Variants in NBEA observed in about 807,000 individuals in gnomAD.
The protein encoded by NBEA is neurobeachin, also known as lysosomal-trafficking regulator 2.
A neutral mutation model predicts 343.4 loss-of-function variants in NBEA; 44 were observed. That is an observed-to-expected ratio of 0.13 (90% confidence interval 0.10 to 0.16). NBEA has a LOEUF of 0.16. Among genes scored for constraint, NBEA ranks in the 10% least tolerant of loss-of-function variants. NBEA has a pLI of 1.00. For synonymous variants in NBEA, 1,175 were observed against 1,238.7 expected (o/e 0.95, Z 1.08); for missense variants, 2,555 against 3,631.3 (o/e 0.70, Z 7.62).
intron 36 of NBEA, among the ~76,000 whole-genome samples, chr13:35,346,194 C>T (rs1465034471): frequency 6.6e-6 from 1 of 152,050 alleles, no homozygotes; most frequent in Non-Finnish European, 1.5e-5. Context: ...ATGTATTAGC[C>T]AGCCAGACCA....
At chr13:34,980,401 T>C (rs1398487582) in intron 1 of NBEA, among the ~76,000 whole-genome samples, 1 of 151,890 alleles carries the variant, frequency 6.6e-6, no homozygotes, top group African/African-American at 2.4e-5. Flanking sequence ...TTCTGGTTTC[T>C]AGTTTAGAAG....
rs1401137700 is a variant in NBEA at position 35,298,241 on chromosome 13, ATATATATG to A, written c.5838+7797_5838+7804del. 1.3e-3 allele frequency among the ~76,000 whole-genome samples: 150 copies of A among 112,198 alleles called. 1 individual carries two copies. The highest frequency in any genetic ancestry group is 4.7e-3 in the Middle Eastern group (1 of 214). The allele number at this position is 112,198 out of a possible 152,430, so 73.6% of individuals were successfully genotyped here. A position where few individuals can be genotyped will look rare whatever the true frequency, so the allele number is the denominator to read the frequency against. ...TATATATATATATATATATATATAT[ATATATATG>A]TATATGCTTCTTTTTTTAATTTTAA... is the stretch of plus-strand genomic sequence containing the variant. On this transcript the variant is annotated intron_variant, in intron 35 of 58. Coordinates refer to ENST00000379939, the MANE Select transcript of NBEA (RefSeq NM_001385012.1).
chr13:35,458,869 T>C (rs998375907), intron 40 of NBEA, among the ~76,000 whole-genome samples: 3 of 152,200 alleles, frequency 2.0e-5, no homozygotes, highest in African/African-American at 7.2e-5. Context: ...TCCAATGGAT[T>C]GTAATGCTAC....
intron 38 of NBEA, among the ~76,000 whole-genome samples, chr13:35,406,772 C>A (rs1331138828): frequency 2.6e-5 from 4 of 152,076 alleles, no homozygotes; most frequent in Non-Finnish European, 4.4e-5. Flanking sequence ...TCTGTCTGAA[C>A]ACTCAATTGT....
chr13:35,044,527 A>G (rs1397270186), intron 2 of NBEA, among the ~76,000 whole-genome samples: 1 of 151,676 alleles, frequency 6.6e-6, no homozygotes, highest in East Asian at 1.9e-4. Flanking sequence ...TTTGACAATA[A>G]CCAGTTTGCA....
chr13:35,025,129 G>C (rs2061974625), intron 1 of NBEA, among the ~76,000 whole-genome samples: 1 of 152,130 alleles, frequency 6.6e-6, no homozygotes, highest in African/African-American at 2.4e-5. Context: ...TAGGTTGTCT[G>C]CTTATTTTGT....
chr13:35,600,904 C>T (rs533686835), intron 47 of NBEA, among the ~76,000 whole-genome samples: 6 of 152,248 alleles, frequency 3.9e-5, no homozygotes, highest in African/African-American at 1.4e-4. Flanking sequence ...GAGCCGCGTA[C>T]GGTGGTTCAT....
chr13:35,585,160 G>A (rs965497129), intron 46 of NBEA, among the ~76,000 whole-genome samples: 12 of 33,396 alleles, frequency 3.6e-4, no homozygotes, highest in African/African-American at 1.3e-3. Flanking sequence ...GCCAGCCTCC[G>A]CCCACTCTGA....
intron 41 of NBEA, among the ~76,000 whole-genome samples, chr13:35,500,544 G>A (rs987103483): frequency 4.6e-5 from 7 of 151,926 alleles, no homozygotes; most frequent in African/African-American, 1.7e-4. Context: ...AGCTGGGGCT[G>A]ATAAAGAAGA....
chr13:35,540,392 A>G (rs2078766659), intron 41 of NBEA, among the ~76,000 whole-genome samples: 1 of 152,164 alleles, frequency 6.6e-6, no homozygotes, highest in African/African-American at 2.4e-5. Flanking sequence ...TCAGTAGTAT[A>G]GAGTTCTGGT....
At chr13:35,368,715 A>G (rs965961028) in intron 38 of NBEA, among the ~76,000 whole-genome samples, 6 of 151,686 alleles carry the variant, frequency 4.0e-5, no homozygotes, top group African/African-American at 1.4e-4. Context: ...TTTAATACAC[A>G]GTACCTGCCA....
intron 36 of NBEA, among the ~76,000 whole-genome samples, chr13:35,342,791 A>T (rs1284423124): frequency 6.6e-6 from 1 of 151,972 alleles, no homozygotes; most frequent in Non-Finnish European, 1.5e-5. Context: ...ATCAGTAGGG[A>T]GTAAAAAAGA....
At chr13:35,503,544 G>T (rs2076968149) in intron 41 of NBEA, among the ~76,000 whole-genome samples, 1 of 151,624 alleles carries the variant, frequency 6.6e-6, no homozygotes, top group African/African-American at 2.4e-5. Context: ...AACATTTTTT[G>T]ATATTTTCTC....
intron 18 of NBEA, among the ~76,000 whole-genome samples, chr13:35,145,636 C>G (rs1013118588): frequency 6.6e-6 from 1 of 152,182 alleles, no homozygotes; most frequent in Non-Finnish European, 1.5e-5. Flanking sequence ...CCAGGAAATA[C>G]TATTTTCAGG....
At chr13:35,484,264 GTGTGTGTGTGTA>G (rs1251205372) in intron 41 of NBEA, among the ~76,000 whole-genome samples, 11 of 136,046 alleles carry the variant, frequency 8.1e-5, no homozygotes, top group East Asian at 4.4e-4. Flanking sequence ...GTGTGTGTGT[GTGTGTGTGTGTA>G]TATATATATA....
At position 35,161,730 on chromosome 13, in the gene NBEA, T is replaced by C; in HGVS notation, c.3862-20T>C. ...GCATTTCTTTTGTATTCCACAAAAG[T>C]TCATCTTTTCCTTCTTTAGGCTGTG... On this transcript the variant is annotated intron_variant, in intron 22 of 58. Coordinates refer to ENST00000379939, the MANE Select transcript of NBEA (RefSeq NM_001385012.1). 6.3e-7 allele frequency: 1 copy of C among 1,582,560 alleles called. No individual in the cohort carries two copies.
At chr13:35,543,306 G>T (rs1020192818) in intron 41 of NBEA, among the ~76,000 whole-genome samples, 2 of 152,124 alleles carry the variant, frequency 1.3e-5, no homozygotes, top group African/African-American at 4.8e-5. Flanking sequence ...TTTTATAGAG[G>T]TGTTGAAAAA....
intron 41 of NBEA, among the ~76,000 whole-genome samples, chr13:35,491,089 CA>C (rs1376857675): frequency 1.3e-5 from 2 of 151,870 alleles, no homozygotes; most frequent in Non-Finnish European, 2.9e-5. Flanking sequence ...CAGTAACTAG[CA>C]AAGATAGGAC....
intron 11 of NBEA, among the ~76,000 whole-genome samples, chr13:35,100,887 C>T (rs112629043): frequency 6.6e-6 from 1 of 151,906 alleles, no homozygotes; most frequent in African/African-American, 2.4e-5. Flanking sequence ...CCCTAGTCAA[C>T]CCATAATTCA....
Sources: gnomAD v4.1 joint callset for allele counts (sites outside exome capture counted in the v4.1 genomes callset) on GRCh38, gnomAD v4.1.1 for gene constraint, MANE v1.5 for transcripts, NCBI Gene and HGNC (gene_info 2026-07-23, HGNC 2026-07-21) for gene names.